ROCK2: variants seen among roughly 807,000 people sequenced by gnomAD.
The protein encoded by ROCK2 is Rho associated coiled-coil containing protein kinase 2.
Under a neutral mutation model 195.1 loss-of-function variants are expected in ROCK2, and 61 were observed. That is an observed-to-expected ratio of 0.31 (90% CI 0.25 to 0.39). The LOEUF (loss-of-function observed/expected upper bound fraction) is 0.39. Among genes scored for constraint, ROCK2 ranks in the 10% least tolerant of loss-of-function variants. The pLI is 1.00. For missense variants in ROCK2, 1,109 were observed against 1,637.4 expected (o/e 0.68, Z 5.57); for synonymous variants, 504 against 545.5 (o/e 0.92, Z 1.06).
chr2:11,249,725 T>A lies in ROCK2; in HGVS notation c.398A>T (p.Asp133Val). 3 of 1,592,810 alleles carry A rather than the reference T, an allele frequency of 1.9e-6. No individual in the cohort carries two copies. Among genetic ancestry groups the A allele is most frequent in the Non-Finnish European group, 2.6e-6 (3 of 1,171,242 alleles). ...LSKFEMIKRS[D>V]SAFFWEERDI... ...TCTTTCTTCCCAAAAAAAGGCAGAA[T>A]CTGATCTTTTTATCATTTCAAACTT... The change falls in exon 4 of 33, where the codon GAT (aspartate) becomes GTT (valine). Residue 133 changes from aspartate to valine, a missense_variant. Asp to Val is a radical substitution (Grantham distance 152). Transcript: ENST00000315872.
chr2:11,238,201 TGAGA>T (rs1665283004), intron 4 of ROCK2, among the ~76,000 whole-genome samples: 1 of 142,604 alleles, frequency 7.0e-6, no homozygotes, highest in African/African-American at 2.6e-5. Flanking sequence ...GTTACCAAAT[TGAGA>T]AAGAGTGTGT....
chr2:11,219,269 C>T (rs555813445), intron 9 of ROCK2, among the ~76,000 whole-genome samples: 3 of 127,062 alleles, frequency 2.4e-5, no homozygotes, highest in Admixed American at 1.1e-4. Flanking sequence ...GAGGTCAAGG[C>T]GGGAAAGATC....
At chr2:11,189,433 C>T (rs771198789) in intron 32 of ROCK2, among the ~76,000 whole-genome samples, 34 of 152,130 alleles carry the variant, frequency 2.2e-4, no homozygotes, top group Non-Finnish European at 4.1e-4. Context: ...CTCCCTGGAA[C>T]CATGCTACTC....
intron 32 of ROCK2, among the ~76,000 whole-genome samples, chr2:11,185,771 T>TA (rs11408661): frequency 0.39 from 59,599 of 151,028 alleles, 13,257 homozygotes; most frequent in Admixed American, 0.51. Flanking sequence ...AAATAAATAA[T>TA]AAAAAAAAGC....
At chr2:11,206,797 T>A (rs1664066676) in intron 20 of ROCK2, among the ~76,000 whole-genome samples, 1 of 152,198 alleles carries the variant, frequency 6.6e-6, no homozygotes, top group South Asian at 2.1e-4. Flanking sequence ...ACCATTGCTA[T>A]CCTTTACAAG....
At chr2:11,337,972 T>C (rs1009420471) in intron 1 of ROCK2, among the ~76,000 whole-genome samples, 11 of 152,236 alleles carry the variant, frequency 7.2e-5, no homozygotes, top group African/African-American at 2.6e-4. Context: ...AACACATATC[T>C]GCCCTATGAG....
intron 1 of ROCK2, among the ~76,000 whole-genome samples, chr2:11,296,643 T>C (rs1667546538): frequency 6.6e-6 from 1 of 152,182 alleles, no homozygotes. Context: ...TATGGAGAGT[T>C]GGAAGGTTTT....
intron 1 of ROCK2, among the ~76,000 whole-genome samples, chr2:11,333,375 G>T (rs182341481): frequency 5.3e-5 from 8 of 152,178 alleles, no homozygotes; most frequent in Non-Finnish European, 1.0e-4. Context: ...CTTATTACAA[G>T]TAAGATACTA....
In ROCK2 at chr2:11,197,271, C is replaced by G. The variant is rs2148037647; in HGVS notation, c.3357G>C (p.Leu1119=). 6.2e-7 allele frequency: 1 copy of G among 1,614,116 alleles called. No individual in the cohort carries two copies. The change falls in exon 27 of 33, where the codon CTG becomes CTC. Residue 1119 remains leucine, a synonymous_variant. Transcript: ENST00000315872. The surrounding 1 kb of genome is among the most constrained non-coding windows in gnomAD (Gnocchi z 4.9). Reference sequence around the variant, plus strand: ...TATGCAAGGCTTGGAGTTGTGACCGCAGCTGCTCAATGTCACTGTCTTTAC... The same window carrying G: ...TATGCAAGGCTTGGAGTTGTGACCGGAGCTGCTCAATGTCACTGTCTTTAC... ...LDSKDSDIEQ[L]RSQLQALHIG... is the part of the protein sequence containing the mutation.
intron 1 of ROCK2, among the ~76,000 whole-genome samples, chr2:11,314,958 A>G (rs540817257): frequency 2.6e-4 from 39 of 152,182 alleles, no homozygotes; most frequent in Middle Eastern, 6.8e-3. Flanking sequence ...AGCAAAACCT[A>G]TGAAAATGAA....
Position 11,179,941 on chromosome 2 carries a change from A to T in ROCK2, c.*3496T>A, listed in dbSNP as rs1440159190. On this transcript the variant is annotated 3_prime_UTR_variant, in exon 33 of 33. Transcript: ENST00000315872. ...TTCTAAACCATGCAGTTCATTACTT[A>T]TTACAATTCCAAACAAAACTCATTA... 1 of 152,184 alleles carries T rather than the reference A, an allele frequency of 6.6e-6. No homozygotes were observed. The highest frequency in any genetic ancestry group is 6.5e-5 in the Admixed American group (1 of 15,282). The allele number at this position is 152,184 out of a possible 1,614,324, so 9.4% of individuals were successfully genotyped here. A position where few individuals can be genotyped will look rare whatever the true frequency, so the allele number is the denominator to read the frequency against.
At chr2:11,328,072 C>G (rs1011546360) in intron 1 of ROCK2, among the ~76,000 whole-genome samples, 1 of 152,154 alleles carries the variant, frequency 6.6e-6, no homozygotes, top group African/African-American at 2.4e-5. Context: ...CCTGCTCACT[C>G]TCTTCCCTTC....
At chr2:11,318,080 C>T (rs1202607464) in intron 1 of ROCK2, among the ~76,000 whole-genome samples, 17 of 152,110 alleles carry the variant, frequency 1.1e-4, no homozygotes, top group Admixed American at 1.0e-3. Context: ...CATACGTGTG[C>T]ATGTGTCTTT....
intron 27 of ROCK2, 25 bp from the exon 28 acceptor site, chr2:11,195,050 G>A (rs748021702): frequency 6.6e-6 from 9 of 1,355,252 alleles, no homozygotes; most frequent in African/African-American, 1.5e-5. Flanking sequence ...AACATGTGAG[G>A]CTAAAGATAA....
At chr2:11,307,797 T>C (rs1667905351) in intron 1 of ROCK2, among the ~76,000 whole-genome samples, 1 of 152,220 alleles carries the variant, frequency 6.6e-6, no homozygotes, top group Non-Finnish European at 1.5e-5. Context: ...GATTGTTGCA[T>C]ATGTACTGAA....
At chr2:11,185,684 G>A (rs769161410) in intron 32 of ROCK2, among the ~76,000 whole-genome samples, 14 of 152,166 alleles carry the variant, frequency 9.2e-5, no homozygotes, top group East Asian at 3.9e-4. Flanking sequence ...AGCCGAGATC[G>A]TGCCATTGCA....
intron 3 of ROCK2, among the ~76,000 whole-genome samples, chr2:11,265,453 G>A (rs768154334): frequency 9.2e-5 from 14 of 151,964 alleles, no homozygotes; most frequent in Non-Finnish European, 1.3e-4. Context: ...ACTCAATAGC[G>A]AAAAGTTTTA....
At chr2:11,243,485 A>G (rs1240950237) in intron 4 of ROCK2, among the ~76,000 whole-genome samples, 1 of 152,220 alleles carries the variant, frequency 6.6e-6, no homozygotes, top group Non-Finnish European at 1.5e-5. Flanking sequence ...TATATGCTTG[A>G]GGTCAACATT....
intron 3 of ROCK2, among the ~76,000 whole-genome samples, chr2:11,280,595 A>C (rs1666966294): frequency 6.6e-6 from 1 of 152,100 alleles, no homozygotes; most frequent in Non-Finnish European, 1.5e-5. Flanking sequence ...ACACTACTGC[A>C]CTCCAGCCTG....
Sources: allele counts gnomAD v4.1 joint callset (sites outside exome capture counted in the v4.1 genomes callset), GRCh38; gene constraint gnomAD v4.1.1; non-coding constraint Gnocchi (gnomAD v3.1); transcripts MANE v1.5; gene names NCBI Gene and HGNC (gene_info 2026-07-23, HGNC 2026-07-21).